The following RAB11FIP4 variants were observed in gnomAD, a reference collection of about 807,000 sequenced individuals.
The protein encoded by RAB11FIP4 is rab11 family-interacting protein 4.
Under a neutral mutation model 74.3 loss-of-function variants are expected in RAB11FIP4, and 23 were observed. That is an observed-to-expected ratio of 0.31 (90% confidence interval 0.22 to 0.44). RAB11FIP4 has a LOEUF of 0.44. Ranked by LOEUF, RAB11FIP4 falls within the 20% of genes least tolerant of loss-of-function variation. RAB11FIP4 has a pLI of 1.00. For missense variants in RAB11FIP4, 630 were observed against 863.9 expected, an observed-to-expected ratio of 0.73 and a Z score of 3.39; for synonymous variants, 360 against 359.9, an observed-to-expected ratio of 1.00 and a Z score of 0.00.
chr17:31,411,576 T>C (rs2071096368), intron 1 of RAB11FIP4, among the ~76,000 whole-genome samples: 1 of 152,206 alleles, frequency 6.6e-6, no homozygotes, highest in Non-Finnish European at 1.5e-5. Flanking sequence ...CCCAGGACTC[T>C]GTTACACTGG....
intron 13 of RAB11FIP4, among the ~76,000 whole-genome samples, chr17:31,529,094 C>CCT (rs368266963): frequency 2.2e-5 from 3 of 133,626 alleles, no homozygotes; most frequent in African/African-American, 8.4e-5. Flanking sequence ...CCCAAGGTTC[C>CCT]TTTTTTTTTT....
intron 3 of RAB11FIP4, among the ~76,000 whole-genome samples, chr17:31,500,043 G>A (rs1461416755): frequency 6.6e-6 from 1 of 152,174 alleles, no homozygotes; most frequent in Non-Finnish European, 1.5e-5. Context: ...CTGTTTGCAG[G>A]GCAGAGGGTA....
At chr17:31,429,175 A>T (rs1328102849) in intron 1 of RAB11FIP4, among the ~76,000 whole-genome samples, 7 of 152,202 alleles carry the variant, frequency 4.6e-5, no homozygotes, top group Non-Finnish European at 1.0e-4. Flanking sequence ...GACCAGGTAT[A>T]CAGTGGTGAT....
At chr17:31,441,426 T>C (rs1278543716) in intron 3 of RAB11FIP4, among the ~76,000 whole-genome samples, 2 of 152,216 alleles carry the variant, frequency 1.3e-5, no homozygotes, top group African/African-American at 4.8e-5. Context: ...CTTTTTGCTA[T>C]GATATTTTAT....
At chr17:31,403,132 G>A (rs7405606) in intron 1 of RAB11FIP4, among the ~76,000 whole-genome samples, 1 of 137,524 alleles carries the variant, frequency 7.3e-6, no homozygotes, top group Non-Finnish European at 1.5e-5. Context: ...TGGGTACTGC[G>A]CTGCCCTCAG....
chr17:31,520,917 A>C (rs1258960081), intron 4 of RAB11FIP4: 2 of 292,442 alleles, frequency 6.8e-6, no homozygotes, highest in African/African-American at 2.2e-5. Context: ...GTAGCTAGAC[A>C]ATTAGGTTGT....
At chr17:31,461,431 G>A (rs2142717207) in intron 3 of RAB11FIP4, among the ~76,000 whole-genome samples, 1 of 152,304 alleles carries the variant, frequency 6.6e-6, no homozygotes, top group African/African-American at 2.4e-5. Context: ...AAATGCATGG[G>A]TTACCTTGAT....
chr17:31,484,020 G>A (rs1044507653), intron 3 of RAB11FIP4, among the ~76,000 whole-genome samples: 12 of 151,606 alleles, frequency 7.9e-5, no homozygotes, highest in African/African-American at 2.9e-4. Context: ...GCTACAGTGA[G>A]CTATGATTGT....
At chr17:31,436,562 G>T (rs1351227957) in intron 3 of RAB11FIP4, among the ~76,000 whole-genome samples, 2 of 152,206 alleles carry the variant, frequency 1.3e-5, no homozygotes, top group East Asian at 3.9e-4. Context: ...AGCAGGGGGT[G>T]CAGAAGAGTG....
Position 31,453,372 on chromosome 17 carries a change from A to C in RAB11FIP4, c.336+19250A>C, listed in dbSNP as rs922958269. ...CCCTACCTCAAAAAAAAAAAAAAAA[A>C]AAAAAAAACAAACCTGGGGAGAGTT... On this transcript the variant is annotated intron_variant, in intron 3 of 14. Coordinates refer to ENST00000621161, the MANE Select transcript of RAB11FIP4 (RefSeq NM_032932.6). Among the ~76,000 whole-genome samples, 585 of 142,854 alleles carry C rather than the reference A, an allele frequency of 4.1e-3. 3 individuals are homozygous for C. The highest frequency in any genetic ancestry group is 6.8e-3 in the Non-Finnish European group (456 of 67,474). The allele number at this position is 142,854 out of a possible 152,430, so 93.7% of individuals were successfully genotyped here.
chr17:31,512,201 C>T lies in RAB11FIP4; in HGVS notation c.337-5450C>T, dbSNP rs1315390421. Among the ~76,000 whole-genome samples the T allele has an allele frequency of 2.0e-5, 3 of 152,192 alleles. No individual in the cohort carries two copies. The highest frequency in any genetic ancestry group is 1.5e-5 in the Non-Finnish European group (1 of 68,030). ...TCACCCTCTGTTGCCTGTAGCCCCTCGTGAGGCCAGGTCAGAATTTACGGC... is the reference window on the plus strand; with the variant it reads ...TCACCCTCTGTTGCCTGTAGCCCCTTGTGAGGCCAGGTCAGAATTTACGGC... On this transcript the variant is annotated intron_variant, in intron 3 of 14. Transcript: ENST00000621161. This position sits in a 1 kb window ranked among gnomAD's most constrained non-coding sequence, Gnocchi z 4.1.
chr17:31,528,662 T>A lies in RAB11FIP4; in HGVS notation c.1537T>A (p.Tyr513Asn). ...GAAGGAGCTGGAGCACCTGCAGATG[T>A]ACAAGCTGGACTGCGAGCGGCCAGG... ...LRKELEHLQMYKLDCERPGRG... is the reference protein window; with the variant it reads ...LRKELEHLQMNKLDCERPGRG... Residue 513 changes from tyrosine (Y) to asparagine (N), a missense_variant, in exon 13 of 15, where the codon TAC becomes AAC. By Grantham distance (143) the Tyr-to-Asn change is moderately radical. Transcript: ENST00000621161. The A allele has an allele frequency of 6.2e-7, 1 of 1,613,488 alleles. No homozygotes were observed. Among genetic ancestry groups the A allele is most frequent in the Admixed American group, 1.7e-5 (1 of 60,008 alleles).
At chr17:31,499,070 C>T (rs887646588) in intron 3 of RAB11FIP4, among the ~76,000 whole-genome samples, 4 of 152,200 alleles carry the variant, frequency 2.6e-5, no homozygotes, top group East Asian at 1.9e-4. Context: ...CACGTTACTT[C>T]GCTTTTGAGT....
chr17:31,415,380 C>T (rs1489460181), intron 1 of RAB11FIP4, among the ~76,000 whole-genome samples: 1 of 152,160 alleles, frequency 6.6e-6, no homozygotes, highest in African/African-American at 2.4e-5. Context: ...AAGTAAAAGG[C>T]TCGGAAGAGA....
intron 3 of RAB11FIP4, among the ~76,000 whole-genome samples, chr17:31,505,608 AATT>A (rs2072324607): frequency 1.5e-5 from 1 of 68,646 alleles, no homozygotes; most frequent in Non-Finnish European, 2.6e-5. Context: ...ATATAATAAT[AATT>A]ATATATAATA....
intron 9 of RAB11FIP4, 139 bp downstream of exon 9, chr17:31,524,135 C>A: frequency 1.5e-6 from 1 of 656,948 alleles, no homozygotes; most frequent in Non-Finnish European, 2.7e-6. Context: ...CCTCTTGTCA[C>A]ATGGCCCTGC....
At chr17:31,448,172 T>C (rs2071487190) in intron 3 of RAB11FIP4, among the ~76,000 whole-genome samples, 1 of 152,212 alleles carries the variant, frequency 6.6e-6, no homozygotes, top group African/African-American at 2.4e-5. Flanking sequence ...ACTTCTACTG[T>C]AGACCCATGT....
intron 1 of RAB11FIP4, among the ~76,000 whole-genome samples, chr17:31,406,040 C>T (rs2071038445): frequency 6.6e-6 from 1 of 152,226 alleles, no homozygotes; most frequent in African/African-American, 2.4e-5. Flanking sequence ...GAGCCCAGCC[C>T]ACCTGGCAGG....
intron 1 of RAB11FIP4, among the ~76,000 whole-genome samples, chr17:31,426,045 C>T (rs2071246201): frequency 6.6e-6 from 1 of 152,254 alleles, no homozygotes; most frequent in African/African-American, 2.4e-5. Context: ...CAAAAGGTTA[C>T]CTGATGTCCA....
Sources: gnomAD v4.1 joint callset for allele counts (sites outside exome capture counted in the v4.1 genomes callset) on GRCh38, gnomAD v4.1.1 for gene constraint, Gnocchi (gnomAD v3.1) non-coding constraint, MANE v1.5 for transcripts, NCBI Gene and HGNC (gene_info 2026-07-23, HGNC 2026-07-21) for gene names.